The following TTLL11 variants were observed in gnomAD, a reference collection of about 807,000 sequenced individuals.
TTLL11 encodes tubulin tyrosine ligase like 11, also known as tubulin polyglutamylase TTLL11.
In TTLL11, 42 loss-of-function variants were observed where a neutral mutation model predicts 51.7. The ratio of observed to expected loss-of-function variants is 0.81; its 90% confidence interval spans 0.64 to 1.05. The LOEUF is 1.05. TTLL11 is among the 50% of genes least tolerant of loss of function. TTLL11 has a pLI of 0.00. For missense variants in TTLL11, 799 were observed against 940.4 expected, an observed-to-expected ratio of 0.85 and a Z score of 1.97; for synonymous variants, 381 against 383.5, an observed-to-expected ratio of 0.99 and a Z score of 0.08.
chr9:122,026,743 T>G (rs1844355886), intron 3 of TTLL11, among the ~76,000 whole-genome samples: 1 of 152,020 alleles, frequency 6.6e-6, no homozygotes, highest in Non-Finnish European at 1.5e-5. Context: ...AGTGGAGAAA[T>G]CTAGCAGACA....
chr9:122,004,830 C>G (rs1843592013), intron 3 of TTLL11, among the ~76,000 whole-genome samples: 1 of 152,234 alleles, frequency 6.6e-6, no homozygotes. Flanking sequence ...TACCTGCTCA[C>G]ACTTGAGTAG....
At chr9:121,862,603 C>T (rs1215051399) in intron 7 of TTLL11, among the ~76,000 whole-genome samples, 1 of 152,188 alleles carries the variant, frequency 6.6e-6, no homozygotes, top group Non-Finnish European at 1.5e-5. Flanking sequence ...AGGGCTTGGG[C>T]TCTCTCTTCA....
rs191168051 is a variant in TTLL11 at position 121,937,240 on chromosome 9, G to A, written c.1481+36769C>T. 2.2e-3 allele frequency among the ~76,000 whole-genome samples: 333 copies of A among 152,254 alleles called. 2 individuals are homozygous for A. The highest frequency in any genetic ancestry group is 6.8e-3 in the African/African-American group (281 of 41,552). ...ACGTGAATAATGCCAGCTATTTTTGGTTGACTTTCACTTTGTGCCAGATAC... is the reference window on the plus strand; with the variant it reads ...ACGTGAATAATGCCAGCTATTTTTGATTGACTTTCACTTTGTGCCAGATAC... On this transcript the variant is annotated intron_variant, in intron 6 of 8. Transcript: ENST00000321582.
intron 3 of TTLL11, among the ~76,000 whole-genome samples, chr9:122,009,629 T>C (rs1843744047): frequency 6.6e-6 from 1 of 151,694 alleles, no homozygotes; most frequent in African/African-American, 2.4e-5. Context: ...AACACATATA[T>C]GCACATATAT....
chr9:122,026,554 T>C (rs941733145), intron 3 of TTLL11, among the ~76,000 whole-genome samples: 14 of 152,178 alleles, frequency 9.2e-5, no homozygotes, highest in African/African-American at 3.4e-4. Context: ...CACGGATTTT[T>C]ACATATATGA....
intron 1 of TTLL11, among the ~76,000 whole-genome samples, chr9:122,087,601 A>G (rs959339910): frequency 6.6e-6 from 1 of 152,176 alleles, no homozygotes; most frequent in African/African-American, 2.4e-5. Context: ...CAGGGCCCTC[A>G]TTCACATTAG....
intron 8 of TTLL11, among the ~76,000 whole-genome samples, chr9:121,845,670 G>C (rs921821153): frequency 5.3e-5 from 8 of 152,234 alleles, no homozygotes; most frequent in Middle Eastern, 3.4e-3. Context: ...TAAAGTACCT[G>C]CACTATCTGT....
At position 122,007,206 on chromosome 9, in the gene TTLL11, C is replaced by T. The variant is rs1255347209; in HGVS notation, c.694-17436G>A. Among the ~76,000 whole-genome samples, 3 of 151,914 alleles carry T rather than the reference C, an allele frequency of 2.0e-5. No individual in the cohort carries two copies. In the East Asian group the frequency reaches 5.8e-4, roughly 29 times the overall value. On this transcript the variant is annotated intron_variant, in intron 3 of 8. Coordinates refer to ENST00000321582, the MANE Select transcript of TTLL11 (RefSeq NM_001139442.2). The stretch of plus-strand genomic sequence containing the variant: ...ACACCTGGCACTCATGAAAAGAAAC[C>T]AGGCTTTCTTGGAGAATTGGCTGAG...
chr9:121,995,690 A>G lies in TTLL11; in HGVS notation c.694-5920T>C, dbSNP rs963051511. ...TATTTGCACGACTCCAGACAGAGCT[A>G]ATTTAGGACTTTATAATATCCCGCA... On this transcript the variant is annotated intron_variant, in intron 3 of 8. Transcript: ENST00000321582. This position sits in a 1 kb window ranked among gnomAD's most constrained non-coding sequence, Gnocchi z 4.4. 6.6e-6 allele frequency among the ~76,000 whole-genome samples: 1 copy of G among 152,172 alleles called. No homozygotes were observed. Among genetic ancestry groups the G allele is most frequent in the African/African-American group, 2.4e-5 (1 of 41,424 alleles).
chr9:121,922,171 C>G (rs1038295612), intron 6 of TTLL11, among the ~76,000 whole-genome samples: 1 of 152,190 alleles, frequency 6.6e-6, no homozygotes, highest in Non-Finnish European at 1.5e-5. Flanking sequence ...TATCTCTACC[C>G]AGAACCATAT....
intron 6 of TTLL11, among the ~76,000 whole-genome samples, chr9:121,921,698 A>G (rs545000694): frequency 1.1e-4 from 16 of 152,274 alleles, no homozygotes; most frequent in Non-Finnish European, 2.1e-4. Context: ...AGTCACTCCA[A>G]TTGGGGATAG....
intron 6 of TTLL11, among the ~76,000 whole-genome samples, chr9:121,942,738 A>ATTTTTTT (rs34352222): frequency 8.2e-5 from 8 of 97,908 alleles, no homozygotes; most frequent in Non-Finnish European, 1.3e-4. Flanking sequence ...AATCTGTCTT[A>ATTTTTTT]TTTTTTTTTT....
intron 6 of TTLL11, among the ~76,000 whole-genome samples, chr9:121,891,400 C>T (rs988650694): frequency 1.4e-4 from 21 of 152,318 alleles, no homozygotes; most frequent in African/African-American, 5.1e-4. Context: ...CATTTAACAC[C>T]TAGCAGTTCA....
Position 121,915,692 on chromosome 9 carries a change from C to A in TTLL11, c.1482-44944G>T, listed in dbSNP as rs188600520. 3.8e-3 allele frequency among the ~76,000 whole-genome samples: 579 copies of A among 152,106 alleles called. 4 individuals are homozygous for A. Among genetic ancestry groups the A allele is most frequent in the African/African-American group, 0.013 (549 of 41,486 alleles). On this transcript the variant is annotated intron_variant, in intron 6 of 8. Transcript: ENST00000321582. ...AATTGCTATTTTCACATGCTTCAAG[C>A]CTAATAATTAGTACTTGATTTTTTT...
At chr9:121,852,897 C>T (rs1230267194) in intron 8 of TTLL11, among the ~76,000 whole-genome samples, 1 of 152,238 alleles carries the variant, frequency 6.6e-6, no homozygotes, top group Non-Finnish European at 1.5e-5. Flanking sequence ...CCAGACACCT[C>T]GCACGAGGCG....
chr9:122,028,904 C>A (rs1454410315), intron 3 of TTLL11, among the ~76,000 whole-genome samples: 1 of 152,184 alleles, frequency 6.6e-6, no homozygotes, highest in Non-Finnish European at 1.5e-5. Context: ...AAGTAAACAA[C>A]ACATTTCTAC....
At chr9:121,869,371 C>T (rs773392181) in intron 7 of TTLL11, among the ~76,000 whole-genome samples, 2 of 152,156 alleles carry the variant, frequency 1.3e-5, no homozygotes, top group Non-Finnish European at 2.9e-5. Flanking sequence ...AAAAGCATGA[C>T]TTTGAGGTGC....
intron 3 of TTLL11, among the ~76,000 whole-genome samples, chr9:122,015,448 C>T (rs1283401213): frequency 6.6e-6 from 1 of 152,242 alleles, no homozygotes; most frequent in East Asian, 1.9e-4. Flanking sequence ...CTGCCTTCTT[C>T]TGACAGCTGG....
rs1840074838 is a variant in TTLL11 at position 121,910,453 on chromosome 9, A to G, written c.1482-39705T>C. 2.6e-5 allele frequency among the ~76,000 whole-genome samples: 4 copies of G among 152,232 alleles called. 1 individual carries two copies. Among genetic ancestry groups the G allele is most frequent in the Admixed American group, 2.6e-4 (4 of 15,290 alleles). On this transcript the variant is annotated intron_variant, in intron 6 of 8. Coordinates refer to ENST00000321582, the MANE Select transcript of TTLL11 (RefSeq NM_001139442.2). ...GAGAAAATGTCCCCGTATTTTGTGAATGCTTTAGAAACTTTCCAGTTCCTT... is the reference window on the plus strand; with the variant it reads ...GAGAAAATGTCCCCGTATTTTGTGAGTGCTTTAGAAACTTTCCAGTTCCTT...
Sources: allele counts gnomAD v4.1 joint callset (sites outside exome capture counted in the v4.1 genomes callset), GRCh38; gene constraint gnomAD v4.1.1; non-coding constraint Gnocchi (gnomAD v3.1); transcripts MANE v1.5; gene names NCBI Gene and HGNC (gene_info 2026-07-23, HGNC 2026-07-21).